Variants in CNTN5 observed in about 807,000 individuals in gnomAD.
CNTN5 encodes contactin 5, also known as contactin-5.
A neutral mutation model predicts 129.1 loss-of-function variants in CNTN5; 77 were observed. That is an observed-to-expected ratio of 0.60 (90% CI 0.50 to 0.72). CNTN5 has a LOEUF of 0.72. Ranked by LOEUF, CNTN5 falls within the 30% of genes least tolerant of loss-of-function variation. CNTN5 has a pLI of 0.00. For missense variants in CNTN5, 1,478 were observed against 1,328.8 expected (o/e 1.11, Z -1.75); for synonymous variants, 509 against 465.6 (o/e 1.09, Z -1.20).
At chr11:100,082,596 G>A (rs1944406589) in intron 13 of CNTN5, among the ~76,000 whole-genome samples, 1 of 152,044 alleles carries the variant, frequency 6.6e-6, no homozygotes, top group African/African-American at 2.4e-5. Context: ...CCAGCCCACT[G>A]TGGGCTTTTT....
At chr11:100,151,985 T>C (rs1266041269) in intron 13 of CNTN5, among the ~76,000 whole-genome samples, 2 of 152,132 alleles carry the variant, frequency 1.3e-5, no homozygotes, top group Non-Finnish European at 2.9e-5. Context: ...TATCTGCTAG[T>C]TTTTCTGAAA....
At chr11:99,520,320 T>C (rs1947228723) in intron 2 of CNTN5, among the ~76,000 whole-genome samples, 1 of 152,136 alleles carries the variant, frequency 6.6e-6, no homozygotes. Context: ...AGATAACTGC[T>C]TTTAATGAAC....
chr11:99,238,578 A>G (rs1324305947), intron 1 of CNTN5, among the ~76,000 whole-genome samples: 1 of 152,194 alleles, frequency 6.6e-6, no homozygotes, highest in African/African-American at 2.4e-5. Flanking sequence ...GTTTGGAAGC[A>G]TTATGATTTT....
At chr11:99,236,217 G>T (rs1262242186) in intron 1 of CNTN5, among the ~76,000 whole-genome samples, 2 of 152,168 alleles carry the variant, frequency 1.3e-5, no homozygotes, top group South Asian at 4.2e-4. Flanking sequence ...ACTTGGTTTA[G>T]TAATTTAAAT....
intron 1 of CNTN5, among the ~76,000 whole-genome samples, chr11:99,143,885 G>A (rs1036405601): frequency 1.3e-5 from 2 of 152,124 alleles, no homozygotes; most frequent in Non-Finnish European, 2.9e-5. Flanking sequence ...GGAATTACAA[G>A]CAGTGTTCTT....
chr11:100,249,762 T>C (rs755282955), intron 16 of CNTN5, among the ~76,000 whole-genome samples: 6 of 152,044 alleles, frequency 3.9e-5, no homozygotes, highest in African/African-American at 7.2e-5. Flanking sequence ...AGTCAAAAAA[T>C]AGCAAAAGTA....
rs374199047 is a variant in CNTN5, at chr11:99,422,610, C to CAGGTTTGTT, written c.-71+97128_-71+97136dup. On this transcript the variant is annotated intron_variant, in intron 2 of 24. Coordinates refer to ENST00000524871, the MANE Select transcript of CNTN5 (RefSeq NM_014361.4). ...TTCTAGGGTACATGTGCACAACGTG[C>CAGGTTTGTT]AGGTTTGTTACGTATGTAAAACAAA... Among the ~76,000 whole-genome samples the CAGGTTTGTT allele has an allele frequency of 6.6e-3, 963 of 146,008 alleles. 11 individuals are homozygous for CAGGTTTGTT. The highest frequency in any genetic ancestry group is 0.023 in the African/African-American group (927 of 39,566).
chr11:100,344,348 C>T (rs1337896979), intron 23 of CNTN5, among the ~76,000 whole-genome samples: 2 of 152,050 alleles, frequency 1.3e-5, no homozygotes, highest in Non-Finnish European at 2.9e-5. Context: ...GATATTTTCC[C>T]CATATATTCA....
intron 1 of CNTN5, among the ~76,000 whole-genome samples, chr11:99,303,325 T>A (rs897822645): frequency 2.6e-5 from 4 of 151,812 alleles, no homozygotes; most frequent in Admixed American, 2.6e-4. Flanking sequence ...TAAAAAATGT[T>A]CTGAACAGAT....
chr11:99,084,104 G>A (rs1413905982), intron 1 of CNTN5, among the ~76,000 whole-genome samples: 3 of 152,038 alleles, frequency 2.0e-5, no homozygotes, highest in Non-Finnish European at 4.4e-5. Flanking sequence ...CACCAACTAC[G>A]TATCCACACG....
At chr11:99,658,920 T>C (rs1392867825) in intron 3 of CNTN5, among the ~76,000 whole-genome samples, 1 of 144,718 alleles carries the variant, frequency 6.9e-6, no homozygotes, top group South Asian at 2.2e-4. Context: ...AAGAAAAATA[T>C]AATGAGTGCC....
At chr11:99,953,664 C>T (rs1243738723) in intron 7 of CNTN5, among the ~76,000 whole-genome samples, 1 of 152,036 alleles carries the variant, frequency 6.6e-6, no homozygotes, top group Admixed American at 6.6e-5. Flanking sequence ...AGGACAAGTC[C>T]TTGGGCCTGC....
chr11:99,047,419 C>G lies in CNTN5; in HGVS notation c.-210+26149C>G, dbSNP rs12280807. On this transcript the variant is annotated intron_variant, in intron 1 of 24. Transcript: ENST00000524871. The stretch of plus-strand genomic sequence containing the variant: ...AAACCAAAAAAGTGTATGTGTATGG[C>G]GTGTGTCTTTCAAAATAAGGGCATT... 2.7e-5 allele frequency among the ~76,000 whole-genome samples: 4 copies of G among 149,156 alleles called. No homozygotes were observed. The East Asian group carries it at 7.9e-4, about 29-fold the overall frequency.
chr11:99,966,399 A>G (rs778854132), intron 8 of CNTN5, among the ~76,000 whole-genome samples: 1 of 152,196 alleles, frequency 6.6e-6, no homozygotes, highest in Non-Finnish European at 1.5e-5. Context: ...AGGTGAAGCC[A>G]GAGGAGAGAT....
In CNTN5 at chr11:100,340,526, G is replaced by A. The variant is rs1447947006; in HGVS notation, c.2794G>A (p.Glu932Lys). 4 of 1,613,090 alleles carry A rather than the reference G, an allele frequency of 2.5e-6. No homozygotes were observed. Among genetic ancestry groups the A allele is most frequent in the Non-Finnish European group, 3.4e-6 (4 of 1,179,444 alleles). ...TAETVKTRGNESFVILTGLEG... is the reference protein window; with the variant it reads ...TAETVKTRGNKSFVILTGLEG... ...AGAAACAGTCAAAACTAGAGGGAAT[G>A]AGTCTTTCGTCATCCTAACAGGATT... Residue 932 changes from glutamate to lysine, a missense_variant, in exon 22 of 25, where the codon GAG becomes AAG. Coordinates refer to ENST00000524871, the MANE Select transcript of CNTN5 (RefSeq NM_014361.4).
At chr11:99,886,639 G>T (rs1948908119) in intron 6 of CNTN5, among the ~76,000 whole-genome samples, 3 of 152,110 alleles carry the variant, frequency 2.0e-5, no homozygotes, top group African/African-American at 7.2e-5. Flanking sequence ...AGCAGGATCG[G>T]TTGTCTTAAC....
At chr11:100,203,399 A>G (rs535608272) in intron 15 of CNTN5, among the ~76,000 whole-genome samples, 1 of 152,214 alleles carries the variant, frequency 6.6e-6, no homozygotes, top group African/African-American at 2.4e-5. Context: ...CAAAGAATGT[A>G]GAGTACAAAG....
At chr11:99,455,797 T>C (rs1425345312) in intron 2 of CNTN5, among the ~76,000 whole-genome samples, 1 of 152,164 alleles carries the variant, frequency 6.6e-6, no homozygotes, top group Non-Finnish European at 1.5e-5. Flanking sequence ...TGAAAAATTA[T>C]ATATATTATT....
intron 3 of CNTN5, among the ~76,000 whole-genome samples, chr11:99,572,116 A>C (rs1565307360): frequency 6.6e-6 from 1 of 152,138 alleles, no homozygotes; most frequent in Non-Finnish European, 1.5e-5. Flanking sequence ...AAATAGCTAA[A>C]AGTTTGTTAT....
Sources: gnomAD v4.1 joint callset for allele counts (sites outside exome capture counted in the v4.1 genomes callset) on GRCh38, gnomAD v4.1.1 for gene constraint, MANE v1.5 for transcripts, NCBI Gene and HGNC (gene_info 2026-07-23, HGNC 2026-07-21) for gene names.